Variants in RBFOX1 observed in about 807,000 individuals in gnomAD.
RBFOX1 encodes RNA binding protein fox-1 homolog 1.
Under a neutral mutation model 57.7 loss-of-function variants are expected in RBFOX1, and 8 were observed. That is an observed-to-expected ratio of 0.14 (90% CI 0.08 to 0.25). The LOEUF (loss-of-function observed/expected upper bound fraction) is 0.25. Ranked by LOEUF, RBFOX1 falls within the 10% of genes least tolerant of loss-of-function variation. The pLI, the probability that RBFOX1 is intolerant of heterozygous loss-of-function variation, is 1.00. For missense variants in RBFOX1, 611 were observed against 548.5 expected, an observed-to-expected ratio of 1.11 and a Z score of -1.14; for synonymous variants, 326 against 222.4, an observed-to-expected ratio of 1.47 and a Z score of -4.15.
At position 6,019,141 on chromosome 16, in the gene RBFOX1, CTTTG is replaced by C. The variant is rs908584477; in HGVS notation, c.-974_-971del. On this transcript the variant is annotated 5_prime_UTR_variant, in exon 1 of 16. It removes the in-frame stop codon of an upstream open reading frame in the 5' UTR. Coordinates refer to ENST00000550418, the MANE Select transcript of RBFOX1 (RefSeq NM_018723.4). The surrounding 1 kb of genome is among the most constrained non-coding windows in gnomAD (Gnocchi z 4.2). ...TTTTCTCGCGCTCTCTCCGGCTCTC[CTTTG>C]TTTATTTTCTAATCTATATTTTTAC... 216 of 985,142 alleles carry C rather than the reference CTTTG, an allele frequency of 2.2e-4. No individual in the cohort carries two copies. The highest frequency in any genetic ancestry group is 1.0e-3 in the Middle Eastern group (2 of 1,918). The allele number at this position is 985,142 out of a possible 1,614,324, so 61.0% of individuals were successfully genotyped here. A position where few individuals can be genotyped will look rare whatever the true frequency, so the allele number is the denominator to read the frequency against.
Position 6,841,849 on chromosome 16 carries a change from T to C in RBFOX1, c.-16+187199T>C, listed in dbSNP as rs140275288. On this transcript the variant is annotated intron_variant, in intron 3 of 15. Transcript: ENST00000550418. ...AGGTAGAATTTTTTAGCATAAAAAATTCCAACAGGCCGGGCGCGGTGGCTC... is the reference window on the plus strand; with the variant it reads ...AGGTAGAATTTTTTAGCATAAAAAACTCCAACAGGCCGGGCGCGGTGGCTC... Among the ~76,000 whole-genome samples the C allele has an allele frequency of 1.9e-3, 296 of 152,126 alleles. 8 individuals carry two copies. In the East Asian group the frequency reaches 0.047, roughly 24 times the overall value.
chr16:6,469,461 G>T (rs533009852), intron 2 of RBFOX1, among the ~76,000 whole-genome samples: 39 of 152,278 alleles, frequency 2.6e-4, no homozygotes, highest in South Asian at 1.0e-3. Context: ...ACCAGATGAG[G>T]AATTGGCGTG....
At chr16:7,645,871 C>G (rs922884305) in intron 11 of RBFOX1, among the ~76,000 whole-genome samples, 1 of 151,634 alleles carries the variant, frequency 6.6e-6, no homozygotes, top group Non-Finnish European at 1.5e-5. Flanking sequence ...ACTGGAGATT[C>G]GACAAATTAA....
intron 6 of RBFOX1, among the ~76,000 whole-genome samples, chr16:7,586,005 T>C (rs2094103003): frequency 6.6e-6 from 1 of 152,048 alleles, no homozygotes; most frequent in African/African-American, 2.4e-5. Flanking sequence ...ACAAAACCTC[T>C]GGGGGTCATA....
intron 3 of RBFOX1, among the ~76,000 whole-genome samples, chr16:5,818,814 C>G (rs2055741372): frequency 6.6e-6 from 1 of 152,168 alleles, no homozygotes; most frequent in African/African-American, 2.4e-5. Context: ...ATGTTCTATG[C>G]ATACCTCATG....
chr16:5,854,222 C>G (rs1421601645), intron 3 of RBFOX1, among the ~76,000 whole-genome samples: 2 of 152,106 alleles, frequency 1.3e-5, no homozygotes, highest in Non-Finnish European at 1.5e-5. Flanking sequence ...TCAGAAATAT[C>G]AAGTATATAG....
At chr16:5,906,769 C>G (rs554809858) in intron 4 of RBFOX1, among the ~76,000 whole-genome samples, 1 of 132,100 alleles carries the variant, frequency 7.6e-6, no homozygotes, top group Non-Finnish European at 1.6e-5. Context: ...GAGTCTCGCA[C>G]TGTCTTCCAG....
At chr16:7,605,065 A>G (rs1189235657) in intron 9 of RBFOX1, among the ~76,000 whole-genome samples, 1 of 152,214 alleles carries the variant, frequency 6.6e-6, no homozygotes, top group African/African-American at 2.4e-5. Context: ...AACATTAAAT[A>G]TGTCTGCAGC....
At chr16:7,620,008 G>C (rs932587292) in intron 10 of RBFOX1, among the ~76,000 whole-genome samples, 2 of 152,172 alleles carry the variant, frequency 1.3e-5, no homozygotes, top group African/African-American at 4.8e-5. Context: ...CTAAGTTTAA[G>C]TGCTTGCAAT....
At chr16:6,402,373 T>G (rs2093108691) in intron 2 of RBFOX1, among the ~76,000 whole-genome samples, 1 of 152,326 alleles carries the variant, frequency 6.6e-6, no homozygotes, top group Non-Finnish European at 1.5e-5. Context: ...GATATTTAGG[T>G]GTGTTCTTTT....
At chr16:6,050,254 C>G (rs893334618) in intron 1 of RBFOX1, among the ~76,000 whole-genome samples, 1 of 152,184 alleles carries the variant, frequency 6.6e-6, no homozygotes, top group Non-Finnish European at 1.5e-5. Flanking sequence ...GCCACCGTAC[C>G]CAGCCTGTAT....
At chr16:7,394,107 G>A (rs921975248) in intron 4 of RBFOX1, among the ~76,000 whole-genome samples, 6 of 151,684 alleles carry the variant, frequency 4.0e-5, no homozygotes, top group Non-Finnish European at 8.8e-5. Flanking sequence ...GTCCTGGTGC[G>A]TGCCTGTAAT....
intron 2 of RBFOX1, among the ~76,000 whole-genome samples, chr16:6,519,579 C>T (rs1474866160): frequency 6.6e-6 from 1 of 152,076 alleles, no homozygotes; most frequent in African/African-American, 2.4e-5. Flanking sequence ...TACATGCCTG[C>T]AATTCCAGCT....
intron 3 of RBFOX1, among the ~76,000 whole-genome samples, chr16:7,004,754 C>A (rs769033882): frequency 6.6e-6 from 1 of 152,148 alleles, no homozygotes; most frequent in Non-Finnish European, 1.5e-5. Flanking sequence ...AGCTGTGAGA[C>A]ACCAAGGATT....
chr16:7,012,349 C>A (rs2093692385), intron 3 of RBFOX1, among the ~76,000 whole-genome samples: 1 of 152,184 alleles, frequency 6.6e-6, no homozygotes, highest in Non-Finnish European at 1.5e-5. Context: ...GGGACTGAAT[C>A]AGGTCTCTTC....
At chr16:7,215,122 T>A (rs762125224) in intron 4 of RBFOX1, among the ~76,000 whole-genome samples, 3 of 152,162 alleles carry the variant, frequency 2.0e-5, no homozygotes, top group Non-Finnish European at 2.9e-5. Context: ...TGTGTTCTCA[T>A]TGTTCAACTC....
chr16:5,880,015 A>C (rs1322796299), intron 4 of RBFOX1, among the ~76,000 whole-genome samples: 1 of 152,198 alleles, frequency 6.6e-6, no homozygotes, highest in Non-Finnish European at 1.5e-5. Context: ...TTCTCTGGGA[A>C]TTAAATGCCT....
At chr16:5,332,755 A>G (rs1238442232) in intron 1 of RBFOX1, among the ~76,000 whole-genome samples, 4 of 151,950 alleles carry the variant, frequency 2.6e-5, no homozygotes, top group Non-Finnish European at 4.4e-5. Context: ...AAGAGAAATC[A>G]AAGAAAATAC....
At chr16:6,791,230 T>G (rs928825114) in intron 3 of RBFOX1, among the ~76,000 whole-genome samples, 6 of 152,166 alleles carry the variant, frequency 3.9e-5, no homozygotes, top group African/African-American at 1.2e-4. Flanking sequence ...CTTTATAGAG[T>G]TGGCAGAAGA....
Sources: gnomAD v4.1 joint callset for allele counts (sites outside exome capture counted in the v4.1 genomes callset) on GRCh38, gnomAD v4.1.1 for gene constraint, Gnocchi (gnomAD v3.1) non-coding constraint, MANE v1.5 for transcripts, NCBI Gene and HGNC (gene_info 2026-07-23, HGNC 2026-07-21) for gene names.